The following RAD51B variants were observed in gnomAD, a reference collection of about 807,000 sequenced individuals.
RAD51B encodes the protein RAD51 paralog B, also known as DNA repair protein RAD51 homolog 2.
RAD51B carries 38 observed loss-of-function variants against 42.2 expected under a neutral mutation model. The observed-to-expected ratio is 0.90, with a 90% confidence interval of 0.70 to 1.18. RAD51B has a LOEUF of 1.18. RAD51B is among the 50% of genes most tolerant of loss of function. The pLI is 0.00. For missense variants in RAD51B, 373 were observed against 400.7 expected (o/e 0.93, Z 0.59); for synonymous variants, 154 against 145.2 (o/e 1.06, Z -0.43).
intron 10 of RAD51B, chr14:68,650,712 C>A (rs1299507192): frequency 1.6e-5 from 11 of 698,292 alleles, no homozygotes; most frequent in Non-Finnish European, 2.9e-5. Context: ...TTTAAGAAAG[C>A]CTGGATGAAT....
chr14:68,479,112 G>A (rs1882957468), downstream of RAD51B, among the ~76,000 whole-genome samples: 1 of 152,202 alleles, frequency 6.6e-6, no homozygotes, highest in African/African-American at 2.4e-5. Flanking sequence ...GGCAGAGCAG[G>A]AAGATGTCCC....
chr14:67,977,923 G>A (rs571149971), intron 7 of RAD51B, among the ~76,000 whole-genome samples: 1 of 152,266 alleles, frequency 6.6e-6, no homozygotes, highest in South Asian at 2.1e-4. Context: ...TACATTGTTA[G>A]TTTCTACCAG....
chr14:68,624,398 G>A (rs924391859), intron 10 of RAD51B, among the ~76,000 whole-genome samples: 1 of 152,202 alleles, frequency 6.6e-6, no homozygotes, highest in Admixed American at 6.5e-5. Flanking sequence ...GGGAAGCTAA[G>A]AGGGAAGGTG....
intron 7 of RAD51B, among the ~76,000 whole-genome samples, chr14:68,099,548 A>G (rs555989046): frequency 6.6e-6 from 1 of 152,336 alleles, no homozygotes; most frequent in South Asian, 2.1e-4. Flanking sequence ...ATTTGCAAGC[A>G]GGGCACCCTT....
chr14:68,333,521 C>G (rs1363807662), intron 8 of RAD51B, among the ~76,000 whole-genome samples: 1 of 152,162 alleles, frequency 6.6e-6, no homozygotes, highest in Non-Finnish European at 1.5e-5. Context: ...GCACTGCAGC[C>G]CAGCAGCTAC....
At chr14:68,226,481 T>C (rs937998573) in intron 7 of RAD51B, among the ~76,000 whole-genome samples, 1 of 152,170 alleles carries the variant, frequency 6.6e-6, no homozygotes, top group African/African-American at 2.4e-5. Context: ...GGTAATTGAA[T>C]CATGGTGGTG....
At chr14:68,394,153 A>C (rs921993724) in intron 8 of RAD51B, among the ~76,000 whole-genome samples, 5 of 152,170 alleles carry the variant, frequency 3.3e-5, no homozygotes, top group South Asian at 2.1e-4. Context: ...GATCAAAGTT[A>C]AGTTAAGGAA....
intron 10 of RAD51B, among the ~76,000 whole-genome samples, chr14:68,535,586 A>G (rs1467106523): frequency 6.6e-6 from 1 of 152,106 alleles, no homozygotes; most frequent in East Asian, 1.9e-4. Flanking sequence ...AGGCTGACTC[A>G]CTGTCATACA....
chr14:68,473,014 C>T (rs986601648), intron 10 of RAD51B, among the ~76,000 whole-genome samples: 3 of 152,170 alleles, frequency 2.0e-5, no homozygotes, highest in South Asian at 4.1e-4. Flanking sequence ...GTCACTGAGC[C>T]AGCTGGATGA....
chr14:68,416,243 CAG>C (rs1339941520), intron 9 of RAD51B, among the ~76,000 whole-genome samples: 1 of 152,142 alleles, frequency 6.6e-6, no homozygotes, highest in Non-Finnish European at 1.5e-5. Context: ...ATAGGATTCT[CAG>C]TGTCCATTTT....
chr14:68,339,343 A>G, intron 8 of RAD51B: 1 of 1,030,642 alleles, frequency 9.7e-7, no homozygotes, highest in Non-Finnish European at 1.5e-6. Flanking sequence ...TGCCGCTGCA[A>G]CCTGATATAG....
intron 7 of RAD51B, among the ~76,000 whole-genome samples, chr14:68,007,873 C>T (rs938786965): frequency 6.6e-6 from 1 of 151,510 alleles, no homozygotes; most frequent in African/African-American, 2.4e-5. Context: ...AAGGAATTCA[C>T]AGGGAAGAAA....
At position 68,570,782 on chromosome 14, in the gene RAD51B, T is replaced by C. The variant is rs532701014; in HGVS notation, c.1037-23703T>C. Among the ~76,000 whole-genome samples the C allele has an allele frequency of 7.9e-5, 12 of 152,242 alleles. No homozygotes were observed. The South Asian group carries it at 2.5e-3, about 32-fold the overall frequency. Reference sequence around the variant, plus strand: ...CTAGTAAGAGAATAATATGTGCGTATATGAAACTATAATTTAAGACACTGT... The same window carrying C: ...CTAGTAAGAGAATAATATGTGCGTACATGAAACTATAATTTAAGACACTGT... On this transcript the variant is annotated intron_variant, in intron 10 of 10. Coordinates refer to the RAD51B transcript ENST00000487270.
chr14:67,894,402 T>C (rs1160359706), intron 7 of RAD51B, among the ~76,000 whole-genome samples: 3 of 152,186 alleles, frequency 2.0e-5, no homozygotes, highest in Non-Finnish European at 4.4e-5. Flanking sequence ...CTTACACTTA[T>C]TTTTTGGATC....
chr14:68,384,256 T>A (rs1291061684), intron 8 of RAD51B, among the ~76,000 whole-genome samples: 3 of 152,256 alleles, frequency 2.0e-5, no homozygotes, highest in Admixed American at 6.5e-5. Context: ...GGATTTTTTT[T>A]AACCTTATTT....
chr14:68,199,521 G>C (rs1238171690), intron 7 of RAD51B, among the ~76,000 whole-genome samples: 1 of 152,190 alleles, frequency 6.6e-6, no homozygotes, highest in African/African-American at 2.4e-5. Flanking sequence ...TCAGTCTTTT[G>C]TGGAGTCTAT....
At chr14:68,524,642 G>A (rs1886807802) in intron 10 of RAD51B, among the ~76,000 whole-genome samples, 1 of 152,194 alleles carries the variant, frequency 6.6e-6, no homozygotes. Context: ...CCTACAAACT[G>A]TCCCTTGTAG....
At chr14:68,351,566 T>A (rs1645600993) in intron 8 of RAD51B, among the ~76,000 whole-genome samples, 1 of 152,112 alleles carries the variant, frequency 6.6e-6, no homozygotes, top group African/African-American at 2.4e-5. Context: ...GTACATTGAC[T>A]AAGAGAGCAC....
chr14:67,880,660 A>G (rs1187322599), intron 5 of RAD51B, among the ~76,000 whole-genome samples: 6 of 151,998 alleles, frequency 3.9e-5, no homozygotes, highest in Non-Finnish European at 8.8e-5. Flanking sequence ...TAATTTTTTA[A>G]ATCTGTTTTT....
Sources: gnomAD v4.1 joint callset for allele counts (sites outside exome capture counted in the v4.1 genomes callset) on GRCh38, gnomAD v4.1.1 for gene constraint, MANE v1.5 for transcripts, NCBI Gene and HGNC (gene_info 2026-07-23, HGNC 2026-07-21) for gene names.